MYBPC3: variants seen among roughly 807,000 people sequenced by gnomAD.
MYBPC3 encodes myosin-binding protein C, cardiac-type.
Under a neutral mutation model 159.3 loss-of-function variants are expected in MYBPC3, and 108 were observed. The ratio of observed to expected loss-of-function variants is 0.68; its 90% CI spans 0.58 to 0.80. The LOEUF (loss-of-function observed/expected upper bound fraction) is 0.80, where lower values mean the gene tolerates loss of function less well. Ranked by LOEUF, MYBPC3 falls within the 30% of genes least tolerant of loss-of-function variation. The pLI is 0.00. For synonymous variants in MYBPC3, 730 were observed against 702.0 expected (o/e 1.04, Z -0.63); for missense variants, 1,631 against 1,762.1 (o/e 0.93, Z 1.33).
intron 25 of MYBPC3, 56 bp downstream of exon 25, chr11:47,337,335 T>C (rs1421529325): frequency 1.7e-5 from 25 of 1,476,348 alleles, no homozygotes; most frequent in Non-Finnish European, 2.1e-5. Context: ...CTGCTATTAT[T>C]GGAGGTTTTT....
In MYBPC3 at chr11:47,332,429, C is replaced by G; in HGVS notation, c.3627+137G>C. On this transcript the variant is annotated intron_variant, in intron 32 of 34. Transcript: ENST00000545968. The surrounding 1 kb of genome is among the most constrained non-coding windows in gnomAD (Gnocchi z 4.2). Reference sequence around the variant, plus strand: ...CAAGAGTGAGTACCATGGCCCTGCCCAGGGGGAGGAACCCGGTCCATACAC... The same window carrying G: ...CAAGAGTGAGTACCATGGCCCTGCCGAGGGGGAGGAACCCGGTCCATACAC... The G allele has an allele frequency of 6.9e-7, 1 of 1,445,468 alleles. No homozygotes were observed. The highest frequency in any genetic ancestry group is 1.3e-5 in the South Asian group (1 of 75,588). 89.5% of individuals were successfully genotyped at this position (1,445,468 alleles called of 1,614,324 possible).
chr11:47,332,620 C>G lies in MYBPC3; in HGVS notation c.3573G>C (p.Ser1191=), dbSNP rs371488508. 7 of 1,613,898 alleles carry G rather than the reference C, an allele frequency of 4.3e-6. No individual in the cohort carries two copies. The highest frequency in any genetic ancestry group is 5.9e-6 in the Non-Finnish European group (7 of 1,179,864). ...PSFTQPLVNR[S]VIAGYTAMLC... is the part of the protein sequence containing the mutation. Reference sequence around the variant, plus strand: ...GCATAGCAGTGTAGCCCGCGATGACCGAGCGGTTCACCAGGGGCTGGGTGA... The same window carrying G: ...GCATAGCAGTGTAGCCCGCGATGACGGAGCGGTTCACCAGGGGCTGGGTGA... Residue 1191 remains serine (S), a synonymous_variant, in exon 32 of 35, where the codon TCG becomes TCC. Coordinates refer to ENST00000545968, the MANE Select transcript of MYBPC3 (RefSeq NM_000256.3). The surrounding 1 kb of genome is among the most constrained non-coding windows in gnomAD (Gnocchi z 4.2).
chr11:47,337,413 G>T lies in MYBPC3; in HGVS notation c.2580C>A (p.Ala860=). Reference sequence around the variant, plus strand: ...CACCGATAGGCATGAAGGGCTGGGAGGCAGGGCTGGGCCTGGACATGCCGA... The same window carrying T: ...CACCGATAGGCATGAAGGGCTGGGATGCAGGGCTGGGCCTGGACATGCCGA... The part of the protein sequence containing the change: ...NAIGMSRPSP[A]SQPFMPIGPP... The change falls in exon 25 of 35, where the codon GCC becomes GCA. Residue 860 remains alanine (A), a synonymous_variant. Coordinates refer to ENST00000545968, the MANE Select transcript of MYBPC3 (RefSeq NM_000256.3). The T allele has an allele frequency of 6.3e-7, 1 of 1,599,710 alleles. No individual in the cohort carries two copies. The highest frequency in any genetic ancestry group is 8.5e-7 in the Non-Finnish European group (1 of 1,171,850).
At chr11:47,333,493 T>A in intron 29 of MYBPC3, 64 bp downstream of exon 29, 1 of 1,586,908 alleles carries the variant, frequency 6.3e-7, no homozygotes, top group South Asian at 1.1e-5. Flanking sequence ...GCCCCACCCT[T>A]GGCCCCAGCA....
intron 26 of MYBPC3, 38 bp from the exon 27 acceptor site, chr11:47,335,247 G>A: frequency 6.6e-7 from 1 of 1,513,346 alleles, no homozygotes; most frequent in Non-Finnish European, 8.9e-7. Context: ...CACAGGCTGT[G>A]TCACCACTGA....
chr11:47,350,620 AG>A lies in MYBPC3; in HGVS notation c.293-6del. The A allele has an allele frequency of 6.7e-7, 1 of 1,482,832 alleles. No homozygotes were observed. The highest frequency in any genetic ancestry group is 8.9e-7 in the Non-Finnish European group (1 of 1,125,200). 91.9% of individuals were successfully genotyped at this position (1,482,832 alleles called of 1,614,324 possible). A position where few individuals can be genotyped will look rare whatever the true frequency, so the allele number is the denominator to read the frequency against. On this transcript the variant is annotated splice_region_variant and splice_polypyrimidine_tract_variant and intron_variant, in intron 2 of 34. Coordinates refer to ENST00000545968, the MANE Select transcript of MYBPC3 (RefSeq NM_000256.3). ...CCAGCATGGGCTCTGCCTTCTCTGG[AG>A]GGGATCAGATGGGAGTCGTGGTGCA... is the stretch of plus-strand genomic sequence containing the variant.
Position 47,338,939 on chromosome 11 carries a change from C to A in MYBPC3, c.2149-260G>T, listed in dbSNP as rs1031662237. 6.6e-6 allele frequency among the ~76,000 whole-genome samples: 1 copy of A among 152,208 alleles called. No homozygotes were observed. Among genetic ancestry groups the A allele is most frequent in the Non-Finnish European group, 1.5e-5 (1 of 68,036 alleles). On this transcript the variant is annotated intron_variant, in intron 22 of 34. Transcript: ENST00000545968. This position sits in a 1 kb window ranked among gnomAD's most constrained non-coding sequence, Gnocchi z 4.7. ...TCATGAGGACCCCTCAAGACCCCAG[C>A]CTTCAGAAGAACCAACAGTGCCAGG... is the stretch of plus-strand genomic sequence containing the variant.
At chr11:47,342,780 C>T (rs767877747) in intron 16 of MYBPC3, 36 bp from the exon 17 acceptor site, 1 of 1,612,990 alleles carries the variant, frequency 6.2e-7, no homozygotes, top group South Asian at 1.1e-5. Context: ...GCTGTGGCCT[C>T]TTCTGGGCAG....
intron 20 of MYBPC3, among the ~76,000 whole-genome samples, chr11:47,340,277 G>GCA (rs920640564): frequency 6.6e-6 from 1 of 151,174 alleles, no homozygotes; most frequent in Non-Finnish European, 1.5e-5. Flanking sequence ...ACAGACACAT[G>GCA]CACACACACA....
At chr11:47,350,285 C>T (rs533325133) in intron 3 of MYBPC3, among the ~76,000 whole-genome samples, 173 bp from the exon 4 acceptor site, 34 of 96,076 alleles carry the variant, frequency 3.5e-4, no homozygotes, top group Non-Finnish European at 4.5e-4. Flanking sequence ...CCACCACGCC[C>T]GGCTAATTTT....
At position 47,331,671 on chromosome 11, in the gene MYBPC3, C is replaced by T. The variant is rs1331591879; in HGVS notation, c.*72G>A. ...ATCCAACAGTAGGGAGGGGTTTCCC[C>T]AACTTCCCTCCAGGCTCCTGGCACG... On this transcript the variant is annotated 3_prime_UTR_variant, in exon 35 of 35. Transcript: ENST00000545968. 1.8e-5 allele frequency: 12 copies of T among 667,572 alleles called. No individual in the cohort carries two copies. Among genetic ancestry groups the T allele is most frequent in the Non-Finnish European group, 2.7e-5 (11 of 401,438 alleles). 41.4% of individuals were successfully genotyped at this position (667,572 alleles called of 1,614,324 possible).
At position 47,351,108 on chromosome 11, in the gene MYBPC3, G is replaced by C; in HGVS notation, c.292+131C>G. On this transcript the variant is annotated intron_variant, in intron 2 of 34. Transcript: ENST00000545968. This position sits in a 1 kb window ranked among gnomAD's most constrained non-coding sequence, Gnocchi z 4.2. ...CAGAAAAGGGGGAAAGGGCGTTCCTGGCGGGGGGCACAGCCACAGCAAAGG... is the reference window on the plus strand; with the variant it reads ...CAGAAAAGGGGGAAAGGGCGTTCCTCGCGGGGGGCACAGCCACAGCAAAGG... 3 of 1,213,718 alleles carry C rather than the reference G, an allele frequency of 2.5e-6. No homozygotes were observed. Among genetic ancestry groups the C allele is most frequent in the Non-Finnish European group, 3.3e-6 (3 of 903,308 alleles). The allele number at this position is 1,213,718 out of a possible 1,614,324, so 75.2% of individuals were successfully genotyped here.
intron 24 of MYBPC3, 44 bp downstream of exon 24, chr11:47,337,646 C>G (rs778631894): frequency 6.2e-7 from 1 of 1,607,806 alleles, no homozygotes; most frequent in Non-Finnish European, 8.5e-7. Context: ...TCCCTCGGAT[C>G]TGTTTGGCGC....
At position 47,343,611 on chromosome 11, in the gene MYBPC3, C is replaced by G; in HGVS notation, c.1104G>C (p.Lys368Asn). ...TGCTCACCTGGTAGGCCGGCTCCAGCTTCTTCTGAAAGGCTGAGCACCACC... is the reference window on the plus strand; with the variant it reads ...TGCTCACCTGGTAGGCCGGCTCCAGGTTCTTCTGAAAGGCTGAGCACCACC... ...DEKKSTAFQKKLEPAYQVSKG... is the reference protein window; with the variant it reads ...DEKKSTAFQKNLEPAYQVSKG... Residue 368 changes from lysine to asparagine, a missense_variant, in exon 13 of 35, where the codon AAG becomes AAC. Physicochemically the swap from Lys to Asn is moderately conservative, Grantham distance 94 (BLOSUM62 0). Transcript: ENST00000545968. The G allele has an allele frequency of 6.2e-7, 1 of 1,611,800 alleles. No individual in the cohort carries two copies. Among genetic ancestry groups the G allele is most frequent in the Non-Finnish European group, 8.5e-7 (1 of 1,179,300 alleles).
chr11:47,332,408 AGT>A lies in MYBPC3; in HGVS notation c.3628-152_3628-151del. The stretch of plus-strand genomic sequence containing the variant: ...GGCTGGAAACAAACATGGAACCAAG[AGT>A]GAGTACCATGGCCCTGCCCAGGGGG... On this transcript the variant is annotated intron_variant, in intron 32 of 34. Transcript: ENST00000545968. The surrounding 1 kb of genome is among the most constrained non-coding windows in gnomAD (Gnocchi z 4.2). The A allele has an allele frequency of 7.1e-7, 1 of 1,412,056 alleles. No individual in the cohort carries two copies. The highest frequency in any genetic ancestry group is 9.7e-7 in the Non-Finnish European group (1 of 1,028,098). The allele number at this position is 1,412,056 out of a possible 1,614,324, so 87.5% of individuals were successfully genotyped here. A position where few individuals can be genotyped will look rare whatever the true frequency, so the allele number is the denominator to read the frequency against.
intron 1 of MYBPC3, 32 bp downstream of exon 1, chr11:47,352,591 A>G (rs375201885): frequency 5.6e-6 from 9 of 1,601,028 alleles, no homozygotes; most frequent in Non-Finnish European, 6.0e-6. Context: ...CCCTGCTCCC[A>G]CACTTAGACC....
In MYBPC3 at chr11:47,337,381, G is replaced by A; in HGVS notation, c.2602+10C>T. ...GGGGCGGGGGGCAGGACCAGGCCAG[G>A]CAGGCTCACCGATAGGCATGAAGGG... On this transcript the variant is annotated intron_variant, in intron 25 of 34. Coordinates refer to ENST00000545968, the MANE Select transcript of MYBPC3 (RefSeq NM_000256.3). The A allele has an allele frequency of 6.4e-7, 1 of 1,570,846 alleles. No individual in the cohort carries two copies. Among genetic ancestry groups the A allele is most frequent in the Non-Finnish European group, 8.6e-7 (1 of 1,157,506 alleles).
intron 6 of MYBPC3, 92 bp downstream of exon 6, chr11:47,348,332 A>T: frequency 1.1e-6 from 1 of 951,698 alleles, no homozygotes; most frequent in Non-Finnish European, 1.6e-6. Context: ...TCTGGATGGG[A>T]CGAGGCATCC....
intron 12 of MYBPC3, 128 bp from the exon 13 acceptor site, chr11:47,343,752 T>G (rs1215530599): frequency 4.6e-6 from 4 of 871,126 alleles, no homozygotes; most frequent in Non-Finnish European, 6.7e-6. Flanking sequence ...CCGCTTCCAC[T>G]TCTCTGTGTC....
Sources: gnomAD v4.1 joint callset for allele counts (sites outside exome capture counted in the v4.1 genomes callset) on GRCh38, gnomAD v4.1.1 for gene constraint, Gnocchi (gnomAD v3.1) non-coding constraint, MANE v1.5 for transcripts, NCBI Gene and HGNC (gene_info 2026-07-23, HGNC 2026-07-21) for gene names.